The following TCF12 variants were observed in gnomAD, a reference collection of about 807,000 sequenced individuals.
TCF12 encodes the protein DNA-binding protein HTF4.
Under a neutral mutation model 86.0 loss-of-function variants are expected in TCF12, and 45 were observed. The ratio of observed to expected loss-of-function variants is 0.52; its 90% CI spans 0.41 to 0.67. TCF12 has a LOEUF of 0.67. Ranked by LOEUF, TCF12 falls within the 30% of genes least tolerant of loss-of-function variation. The pLI, the probability that TCF12 is intolerant of heterozygous loss-of-function variation, is 0.00. For missense variants in TCF12, 881 were observed against 859.9 expected (o/e 1.02, Z -0.31); for synonymous variants, 330 against 299.6 (o/e 1.10, Z -1.05).
chr15:57,143,662 CAG>C (rs1245854851), intron 5 of TCF12, among the ~76,000 whole-genome samples: 2 of 152,092 alleles, frequency 1.3e-5, no homozygotes, highest in African/African-American at 4.8e-5. Context: ...GAAAGGCAGA[CAG>C]AGGTTTATTC....
intron 13 of TCF12, among the ~76,000 whole-genome samples, chr15:57,245,494 G>A (rs1036198211): frequency 2.6e-5 from 4 of 152,124 alleles, no homozygotes; most frequent in Non-Finnish European, 4.4e-5. Context: ...TTTCTCATCC[G>A]AGGTTTCCAT....
chr15:57,132,807 A>T (rs2052234486), intron 5 of TCF12, among the ~76,000 whole-genome samples: 1 of 152,196 alleles, frequency 6.6e-6, no homozygotes, highest in African/African-American at 2.4e-5. Flanking sequence ...GAGTAAAAGG[A>T]GCTGACAAGA....
intron 3 of TCF12, among the ~76,000 whole-genome samples, chr15:57,010,903 C>T (rs1228438574): frequency 1.3e-5 from 2 of 152,168 alleles, no homozygotes; most frequent in East Asian, 1.9e-4. Flanking sequence ...TTTATGTAGT[C>T]GTATTGCTGT....
intron 5 of TCF12, among the ~76,000 whole-genome samples, chr15:57,137,469 T>C (rs1349227480): frequency 6.6e-6 from 1 of 152,210 alleles, no homozygotes; most frequent in African/African-American, 2.4e-5. Flanking sequence ...AAACAAAATA[T>C]TTTAGAAGTT....
chr15:57,051,012 A>G (rs1190539277), intron 3 of TCF12, among the ~76,000 whole-genome samples: 1 of 152,154 alleles, frequency 6.6e-6, no homozygotes, highest in Non-Finnish European at 1.5e-5. Flanking sequence ...TAATGGTCAC[A>G]TTTTTATTTC....
At chr15:57,101,827 GAGTACATTACT>G (rs2151175915) in intron 5 of TCF12, among the ~76,000 whole-genome samples, 1 of 152,284 alleles carries the variant, frequency 6.6e-6, no homozygotes, top group South Asian at 2.1e-4. Context: ...AATTAAATGG[GAGTACATTACT>G]AGTCCACTTC....
chr15:57,027,022 T>TC (rs2065863783), intron 3 of TCF12, among the ~76,000 whole-genome samples: 1 of 152,184 alleles, frequency 6.6e-6, no homozygotes, highest in African/African-American at 2.4e-5. Context: ...TATTTTTTTT[T>TC]CCCAAATGTT....
intron 20 of TCF12, among the ~76,000 whole-genome samples, chr15:57,285,719 T>G (rs990730306): frequency 6.6e-5 from 10 of 152,186 alleles, no homozygotes; most frequent in Non-Finnish European, 1.5e-4. Flanking sequence ...GCGGCAGCTG[T>G]TTTATACGCC....
chr15:57,207,631 C>A (rs1006592685), intron 8 of TCF12, among the ~76,000 whole-genome samples: 2 of 152,016 alleles, frequency 1.3e-5, no homozygotes, highest in Non-Finnish European at 2.9e-5. Flanking sequence ...AGATAAAGAT[C>A]ACACCATTGC....
At chr15:57,156,018 TAATCTG>T (rs2054089566) in intron 5 of TCF12, among the ~76,000 whole-genome samples, 1 of 152,236 alleles carries the variant, frequency 6.6e-6, no homozygotes. Flanking sequence ...TTGTTTTTCT[TAATCTG>T]AATAGGATTA....
chr15:57,196,522 T>C (rs1446512603), intron 7 of TCF12, among the ~76,000 whole-genome samples: 4 of 152,240 alleles, frequency 2.6e-5, no homozygotes, highest in Admixed American at 6.5e-5. Context: ...TCCTCATGTG[T>C]TCTCTCTTCC....
rs138821403 is a variant in TCF12, at chr15:57,259,987, C to A, written c.1468-2107C>A. 3.0e-4 allele frequency among the ~76,000 whole-genome samples: 45 copies of A among 152,280 alleles called. 1 individual carries two copies. In the East Asian group the frequency reaches 7.1e-3, roughly 24 times the overall value. On this transcript the variant is annotated intron_variant, in intron 16 of 20. Transcript: ENST00000333725. The stretch of plus-strand genomic sequence containing the variant: ...AGAATCAAGTTACAAAGAAAAAGTT[C>A]CTGCTAACTTCATTGACATGAAAAA...
At chr15:57,145,152 T>C (rs1471791810) in intron 5 of TCF12, among the ~76,000 whole-genome samples, 2 of 152,358 alleles carry the variant, frequency 1.3e-5, no homozygotes, top group African/African-American at 4.8e-5. Context: ...GCTACTGTGC[T>C]GCTTTAGTCT....
intron 5 of TCF12, among the ~76,000 whole-genome samples, chr15:57,151,633 C>T (rs149816345): frequency 5.9e-4 from 89 of 152,032 alleles, no homozygotes; most frequent in African/African-American, 1.8e-3. Context: ...GGTGTGGTGG[C>T]GCATGCATGT....
At chr15:57,021,567 A>G (rs1356216143) in intron 3 of TCF12, among the ~76,000 whole-genome samples, 1 of 152,170 alleles carries the variant, frequency 6.6e-6, no homozygotes, top group Non-Finnish European at 1.5e-5. Flanking sequence ...TCTTAGGAAA[A>G]CAGGCTTATA....
chr15:57,277,375 A>C (rs1483295433), intron 19 of TCF12, among the ~76,000 whole-genome samples: 4 of 151,980 alleles, frequency 2.6e-5, no homozygotes, highest in Admixed American at 1.3e-4. Context: ...TCACACCTGT[A>C]ATCCCAGCAC....
intron 5 of TCF12, among the ~76,000 whole-genome samples, chr15:57,141,796 C>T (rs1424694267): frequency 7.2e-5 from 11 of 152,202 alleles, no homozygotes; most frequent in African/African-American, 2.7e-4. Flanking sequence ...TCAGCCTAGG[C>T]ACATCTCCCT....
intron 8 of TCF12, among the ~76,000 whole-genome samples, chr15:57,225,220 C>CTTTTTTTTT (rs139530756): frequency 2.5e-5 from 1 of 39,770 alleles, no homozygotes; most frequent in Non-Finnish European, 4.3e-5. Flanking sequence ...CTGATATATG[C>CTTTTTTTTT]TTTTTTTTTT....
intron 16 of TCF12, among the ~76,000 whole-genome samples, chr15:57,257,825 A>C (rs1405580169): frequency 6.6e-6 from 1 of 152,108 alleles, no homozygotes; most frequent in East Asian, 1.9e-4. Context: ...TGTTCTCATT[A>C]GTATTTGATA....
Sources: allele counts gnomAD v4.1 joint callset (sites outside exome capture counted in the v4.1 genomes callset), GRCh38; gene constraint gnomAD v4.1.1; transcripts MANE v1.5; gene names NCBI Gene and HGNC (gene_info 2026-07-23, HGNC 2026-07-21).